Variants in CACNA2D2 observed in about 807,000 individuals in gnomAD.
The protein encoded by CACNA2D2 is voltage-dependent calcium channel subunit alpha-2/delta-2.
A neutral mutation model predicts 166.4 loss-of-function variants in CACNA2D2; 48 were observed. That is an observed-to-expected ratio of 0.29 (90% CI 0.23 to 0.37). CACNA2D2 has a LOEUF of 0.37. Ranked by LOEUF, CACNA2D2 falls within the 10% of genes least tolerant of loss-of-function variation. The pLI, the probability that CACNA2D2 is intolerant of heterozygous loss-of-function variation, is 1.00. For synonymous variants in CACNA2D2, 561 were observed against 573.7 expected, an observed-to-expected ratio of 0.98 and a Z score of 0.32; for missense variants, 1,122 against 1,433.0, an observed-to-expected ratio of 0.78 and a Z score of 3.50.
chr3:50,457,381 A>C (rs139208287), intron 2 of CACNA2D2, among the ~76,000 whole-genome samples: 1 of 152,306 alleles, frequency 6.6e-6, no homozygotes, highest in Non-Finnish European at 1.5e-5. Context: ...TTTCCTGCTA[A>C]ATATCGTTCC....
intron 3 of CACNA2D2, among the ~76,000 whole-genome samples, chr3:50,429,694 C>T (rs1707979835): frequency 1.3e-5 from 2 of 151,090 alleles, no homozygotes; most frequent in African/African-American, 4.9e-5. Context: ...GGCGTGAACC[C>T]GGGAGGCGGA....
At chr3:50,472,099 C>T (rs1264640566) in intron 2 of CACNA2D2, among the ~76,000 whole-genome samples, 1 of 152,204 alleles carries the variant, frequency 6.6e-6, no homozygotes, top group Middle Eastern at 3.2e-3. Context: ...AGGGGCGGCC[C>T]CGGGTAGCTC....
rs534840011 is a variant in CACNA2D2 at position 50,489,631 on chromosome 3, G to A, written c.207-13432C>T. ...AGCCTCCAAAACTGGGGCTGGGGCT[G>A]GGGCTGGGGCTGGGGCTGGGGCTGG... is the stretch of plus-strand genomic sequence containing the variant. On this transcript the variant is annotated intron_variant, in intron 1 of 37. Coordinates refer to ENST00000424201, the MANE Select transcript of CACNA2D2 (RefSeq NM_006030.4). Among the ~76,000 whole-genome samples the A allele has an allele frequency of 2.8e-4, 42 of 151,718 alleles. No homozygotes were observed. In the South Asian group the frequency reaches 8.8e-3, roughly 32 times the overall value.
At chr3:50,481,982 G>A (rs1004669087) in intron 1 of CACNA2D2, among the ~76,000 whole-genome samples, 10 of 152,158 alleles carry the variant, frequency 6.6e-5, no homozygotes, top group Non-Finnish European at 1.0e-4. Context: ...GTGACAGAGC[G>A]AGACTGTCTC....
intron 1 of CACNA2D2, among the ~76,000 whole-genome samples, chr3:50,495,618 A>T (rs1413915744): frequency 6.6e-6 from 1 of 152,342 alleles, no homozygotes; most frequent in South Asian, 2.1e-4. Flanking sequence ...TCATCAAGCC[A>T]AAGTTTTTAC....
chr3:50,503,814 C>G (rs931565963), upstream of CACNA2D2, among the ~76,000 whole-genome samples: 6 of 151,816 alleles, frequency 4.0e-5, no homozygotes, highest in African/African-American at 1.4e-4. Flanking sequence ...CGAATCCTGC[C>G]CTACTGGCTC....
chr3:50,487,521 G>C (rs1477687722), intron 1 of CACNA2D2, among the ~76,000 whole-genome samples: 3 of 152,220 alleles, frequency 2.0e-5, no homozygotes, highest in Non-Finnish European at 4.4e-5. Context: ...TATGTAAATG[G>C]AATGTGAGTG....
At chr3:50,434,747 C>T (rs908077027) in intron 2 of CACNA2D2, among the ~76,000 whole-genome samples, 3 of 152,226 alleles carry the variant, frequency 2.0e-5, no homozygotes, top group Non-Finnish European at 2.9e-5. Context: ...GCCCTGCCCC[C>T]GACTAGCTCA....
chr3:50,377,601 C>T lies in CACNA2D2; in HGVS notation c.1552-60G>A, dbSNP rs189026800. ...CTCAATTCCATGGGGAACCACCCTCCACAAGGCCTCAAGCTGCTCTCACAG... is the reference window on the plus strand; with the variant it reads ...CTCAATTCCATGGGGAACCACCCTCTACAAGGCCTCAAGCTGCTCTCACAG... On this transcript the variant is annotated intron_variant, in intron 16 of 37. Coordinates refer to ENST00000424201, the MANE Select transcript of CACNA2D2 (RefSeq NM_006030.4). The T allele has an allele frequency of 1.5e-5, 24 of 1,581,000 alleles. No individual in the cohort carries two copies. The Admixed American group carries it at 2.7e-4, about 18-fold the overall frequency.
intron 3 of CACNA2D2, among the ~76,000 whole-genome samples, chr3:50,414,164 G>A (rs566889407): frequency 2.1e-4 from 32 of 152,150 alleles, no homozygotes; most frequent in African/African-American, 7.5e-4. Context: ...ATGCAGTCAC[G>A]CCAGGCAGCT....
At position 50,366,527 on chromosome 3, in the gene CACNA2D2, G is replaced by A; in HGVS notation, c.2637+51C>T. On this transcript the variant is annotated intron_variant, in intron 30 of 37. Transcript: ENST00000424201. The surrounding 1 kb of genome is among the most constrained non-coding windows in gnomAD (Gnocchi z 5.9). ...TGGGAGTCGCGGCTGGGACTAGGAA[G>A]TCTGGAAGTGGGGTAAGCTAGGGTC... 1.9e-6 allele frequency: 3 copies of A among 1,597,184 alleles called. No individual in the cohort carries two copies. Among genetic ancestry groups the A allele is most frequent in the Non-Finnish European group, 2.6e-6 (3 of 1,164,626 alleles).
intron 2 of CACNA2D2, among the ~76,000 whole-genome samples, chr3:50,461,413 C>T (rs1211708880): frequency 6.6e-6 from 1 of 152,148 alleles, no homozygotes; most frequent in Non-Finnish European, 1.5e-5. Context: ...CAAAGTCTGG[C>T]TCCCCTGTAC....
In CACNA2D2 at chr3:50,431,980, CAAA is replaced by C. The variant is rs57712165; in HGVS notation, c.405+2330_405+2332del. Among the ~76,000 whole-genome samples the C allele has an allele frequency of 9.0e-4, 83 of 92,220 alleles. 1 individual carries two copies. The East Asian group carries it at 9.6e-3, about 11-fold the overall frequency. The allele number at this position is 92,220 out of a possible 152,430, so 60.5% of individuals were successfully genotyped here. A position where few individuals can be genotyped will look rare whatever the true frequency, so the allele number is the denominator to read the frequency against. Reference sequence around the variant, plus strand: ...AGCCTGGGTGACAGAGTGTCTGTCTCAAAAAAAAAAAAAAAAAAAACAAAGAAA... The same window carrying C: ...AGCCTGGGTGACAGAGTGTCTGTCTCAAAAAAAAAAAAAAAAACAAAGAAA... On this transcript the variant is annotated intron_variant, in intron 3 of 37. Transcript: ENST00000424201.
chr3:50,501,925 C>T (rs943525607), intron 1 of CACNA2D2, among the ~76,000 whole-genome samples: 4 of 152,094 alleles, frequency 2.6e-5, no homozygotes, highest in African/African-American at 4.8e-5. Context: ...ACAGAGGACA[C>T]GTCCGTGCGG....
rs769316124 is a variant in CACNA2D2, at chr3:50,370,394, G to T, written c.1985-14C>A. On this transcript the variant is annotated splice_polypyrimidine_tract_variant and intron_variant, in intron 22 of 37. Transcript: ENST00000424201. ...GGAACTCAAAATCTGCAACAGAAACGGGGGGTTATCCGGCGGGGGCTGGGG... is the reference window on the plus strand; with the variant it reads ...GGAACTCAAAATCTGCAACAGAAACTGGGGGTTATCCGGCGGGGGCTGGGG... The T allele has an allele frequency of 6.4e-7, 1 of 1,566,344 alleles. No individual in the cohort carries two copies. Among genetic ancestry groups the T allele is most frequent in the Non-Finnish European group, 8.7e-7 (1 of 1,154,154 alleles).
intron 3 of CACNA2D2, among the ~76,000 whole-genome samples, chr3:50,403,142 A>T (rs943609224): frequency 6.6e-6 from 1 of 152,146 alleles, no homozygotes; most frequent in Non-Finnish European, 1.5e-5. Context: ...CTGTACCTTG[A>T]TCTCTCATCT....
chr3:50,500,312 G>A (rs1025190856), intron 1 of CACNA2D2, among the ~76,000 whole-genome samples: 2 of 152,206 alleles, frequency 1.3e-5, no homozygotes, highest in Non-Finnish European at 2.9e-5. Context: ...GCTGGGCTAA[G>A]AGGGTGCAGT....
chr3:50,433,379 G>A (rs1708159987), intron 3 of CACNA2D2, among the ~76,000 whole-genome samples: 1 of 151,836 alleles, frequency 6.6e-6, no homozygotes, highest in South Asian at 2.1e-4. Context: ...TTTTTAAAGA[G>A]ATGAGGTTTT....
chr3:50,384,470 T>A (rs923068952), intron 5 of CACNA2D2, 133 bp from the exon 6 acceptor site: 36 of 1,045,940 alleles, frequency 3.4e-5, no homozygotes, highest in Middle Eastern at 3.1e-4. Flanking sequence ...ACTATTGCAG[T>A]AGGAGACACA....
Sources: gnomAD v4.1 joint callset for allele counts (sites outside exome capture counted in the v4.1 genomes callset) on GRCh38, gnomAD v4.1.1 for gene constraint, Gnocchi (gnomAD v3.1) non-coding constraint, MANE v1.5 for transcripts, NCBI Gene and HGNC (gene_info 2026-07-23, HGNC 2026-07-21) for gene names.